The following ZMAT4 variants were observed in gnomAD, a reference collection of about 807,000 sequenced individuals.
ZMAT4 encodes zinc finger matrin-type protein 4.
A neutral mutation model predicts 28.7 loss-of-function variants in ZMAT4; 17 were observed. The ratio of observed to expected loss-of-function variants is 0.59; its 90% confidence interval spans 0.41 to 0.89. The LOEUF (loss-of-function observed/expected upper bound fraction) is 0.89. Among genes scored for constraint, ZMAT4 ranks in the 40% least tolerant of loss-of-function variants. The pLI, the probability that ZMAT4 is intolerant of heterozygous loss-of-function variation, is 0.00. For synonymous variants in ZMAT4, 117 were observed against 109.2 expected, an observed-to-expected ratio of 1.07 and a Z score of -0.44; for missense variants, 240 against 283.8, an observed-to-expected ratio of 0.85 and a Z score of 1.11.
chr8:40,729,454 T>A (rs1811443059), intron 3 of ZMAT4, among the ~76,000 whole-genome samples: 1 of 152,210 alleles, frequency 6.6e-6, no homozygotes, highest in Non-Finnish European at 1.5e-5. Context: ...GTTAACCATG[T>A]TAAACAGCAA....
At chr8:40,667,640 T>C (rs1449953867) in intron 5 of ZMAT4, among the ~76,000 whole-genome samples, 42 of 152,142 alleles carry the variant, frequency 2.8e-4, no homozygotes, top group Admixed American at 2.8e-3. Flanking sequence ...TTTAATGCAA[T>C]GCTGGAAACC....
At chr8:40,857,831 A>G (rs370200730) in intron 1 of ZMAT4, among the ~76,000 whole-genome samples, 5 of 152,250 alleles carry the variant, frequency 3.3e-5, no homozygotes, top group East Asian at 3.8e-4. Flanking sequence ...CAATTAAAAA[A>G]TCAGCAACAC....
At chr8:40,811,389 G>A (rs73617461) in intron 2 of ZMAT4, among the ~76,000 whole-genome samples, 12,311 of 152,128 alleles carry the variant, frequency 0.081, 796 homozygotes, top group East Asian at 0.31. Flanking sequence ...GGCATCCTCC[G>A]GAACAGGCAA....
rs1164699338 is a variant in ZMAT4 at position 40,825,960 on chromosome 8, T to C, written c.-4-280A>G. Among the ~76,000 whole-genome samples, 3 of 152,224 alleles carry C rather than the reference T, an allele frequency of 2.0e-5. No individual in the cohort carries two copies. In the South Asian group the frequency reaches 6.2e-4, roughly 31 times the overall value. ...AGCCAGACTTATATCTAATGCCTTG[T>C]CAAGAGTTTATGTGAGGGCAGGGCA... On this transcript the variant is annotated intron_variant, in intron 1 of 6. Coordinates refer to ENST00000297737, the MANE Select transcript of ZMAT4 (RefSeq NM_024645.3).
chr8:40,564,209 A>G (rs778308090), intron 6 of ZMAT4, among the ~76,000 whole-genome samples: 2 of 152,204 alleles, frequency 1.3e-5, no homozygotes, highest in African/African-American at 2.4e-5. Context: ...CAAACTTACC[A>G]TGGTAAGGGA....
chr8:40,755,998 A>T (rs1812662583), intron 3 of ZMAT4, among the ~76,000 whole-genome samples: 1 of 152,088 alleles, frequency 6.6e-6, no homozygotes, highest in African/African-American at 2.4e-5. Flanking sequence ...GGCCTGTCCT[A>T]ACTGGACTAT....
In ZMAT4 at chr8:40,890,875, C is replaced by T. The variant is rs539899087; in HGVS notation, c.-5+6808G>A. On this transcript the variant is annotated intron_variant, in intron 1 of 6. Coordinates refer to ENST00000297737, the MANE Select transcript of ZMAT4 (RefSeq NM_024645.3). ...CTCTTTCTTACCCTCCTCCCATCCA[C>T]CTGATGGTACCTATTCAAGCCTCAG... Among the ~76,000 whole-genome samples the T allele has an allele frequency of 1.3e-3, 192 of 152,130 alleles. 1 individual carries two copies. Among genetic ancestry groups the T allele is most frequent in the African/African-American group, 4.5e-3 (185 of 41,528 alleles).
intron 1 of ZMAT4, among the ~76,000 whole-genome samples, chr8:40,850,039 G>A (rs1429717336): frequency 6.6e-6 from 1 of 152,044 alleles, no homozygotes; most frequent in African/African-American, 2.4e-5. Context: ...TTCGACCTCT[G>A]CAGTCCATGC....
intron 4 of ZMAT4, among the ~76,000 whole-genome samples, chr8:40,696,185 C>G (rs1196590365): frequency 6.6e-6 from 1 of 152,138 alleles, no homozygotes; most frequent in African/African-American, 2.4e-5. Flanking sequence ...GTCACAGCCA[C>G]CTTTACAAAA....
intron 1 of ZMAT4, among the ~76,000 whole-genome samples, chr8:40,892,829 G>A (rs1392923802): frequency 6.6e-6 from 1 of 152,192 alleles, no homozygotes; most frequent in Non-Finnish European, 1.5e-5. Flanking sequence ...GGGTCTCTAG[G>A]CTCAGGGAAA....
chr8:40,839,634 A>G (rs560247765), intron 1 of ZMAT4, among the ~76,000 whole-genome samples: 7 of 152,384 alleles, frequency 4.6e-5, no homozygotes, highest in Admixed American at 1.3e-4. Flanking sequence ...AGTCATAAAA[A>G]GAATGAAATC....
At chr8:40,761,991 C>G (rs975219871) in intron 3 of ZMAT4, among the ~76,000 whole-genome samples, 1 of 152,202 alleles carries the variant, frequency 6.6e-6, no homozygotes, top group Non-Finnish European at 1.5e-5. Flanking sequence ...CCACTTCTAA[C>G]TCTCAGTGCT....
intron 2 of ZMAT4, among the ~76,000 whole-genome samples, chr8:40,821,863 A>T (rs1815842325): frequency 6.6e-6 from 1 of 152,200 alleles, no homozygotes; most frequent in Non-Finnish European, 1.5e-5. Context: ...ATGCCAGGGT[A>T]GCCCTCTCAA....
intron 5 of ZMAT4, among the ~76,000 whole-genome samples, chr8:40,627,673 T>C (rs1806425390): frequency 6.6e-6 from 1 of 152,198 alleles, no homozygotes; most frequent in South Asian, 2.1e-4. Context: ...TTCTAGATGG[T>C]TTTTCATATT....
At chr8:40,669,296 A>G (rs1808570859) in intron 5 of ZMAT4, among the ~76,000 whole-genome samples, 1 of 152,168 alleles carries the variant, frequency 6.6e-6, no homozygotes, top group South Asian at 2.1e-4. Flanking sequence ...GACTTCTTTT[A>G]TGACATGGGC....
chr8:40,892,919 G>C (rs1175790803), intron 1 of ZMAT4, among the ~76,000 whole-genome samples: 1 of 152,154 alleles, frequency 6.6e-6, no homozygotes, highest in African/African-American at 2.4e-5. Flanking sequence ...CAGATCTGTG[G>C]CTCCTGCCTC....
chr8:40,894,907 A>T (rs1415573611), intron 1 of ZMAT4, among the ~76,000 whole-genome samples: 1 of 152,238 alleles, frequency 6.6e-6, no homozygotes, highest in Non-Finnish European at 1.5e-5. Context: ...TCTGATAAAA[A>T]TTTTAATATG....
chr8:40,688,310 G>T (rs112071944), intron 4 of ZMAT4, among the ~76,000 whole-genome samples: 1,673 of 152,090 alleles, frequency 0.011, 32 homozygotes, highest in African/African-American at 0.038. Context: ...ACAAAAATTA[G>T]CTGAGTGTAT....
At chr8:40,887,709 G>T (rs573037869) in intron 1 of ZMAT4, among the ~76,000 whole-genome samples, 1 of 152,120 alleles carries the variant, frequency 6.6e-6, no homozygotes, top group African/African-American at 2.4e-5. Flanking sequence ...CCAGAGACAC[G>T]GCAGAGGGGA....
Sources: allele counts gnomAD v4.1 joint callset (sites outside exome capture counted in the v4.1 genomes callset), GRCh38; gene constraint gnomAD v4.1.1; transcripts MANE v1.5; gene names NCBI Gene and HGNC (gene_info 2026-07-23, HGNC 2026-07-21).